APOO: variants seen among roughly 807,000 people sequenced by gnomAD.
The protein encoded by APOO is apolipoprotein O, also known as MICOS complex subunit MIC26.
Under a neutral mutation model 23.1 loss-of-function variants are expected in APOO, and 11 were observed. The observed-to-expected ratio is 0.48, with a 90% CI of 0.30 to 0.79. The LOEUF (loss-of-function observed/expected upper bound fraction) is 0.79, where lower values mean the gene tolerates loss of function less well. Ranked by LOEUF, APOO falls within the 30% of genes least tolerant of loss-of-function variation. The pLI is 0.07. For missense variants in APOO, 160 were observed against 142.7 expected (o/e 1.12, Z -0.62); for synonymous variants, 59 against 54.8 (o/e 1.08, Z -0.34).
intron 6 of APOO, 112 bp downstream of exon 6, chrX:23,858,530 C>CA: frequency 1.4e-6 from 1 of 702,021 alleles, no homozygotes; most frequent in South Asian, 3.3e-5. Flanking sequence ...TATGTACAAA[C>CA]AAATTTTAGT....
chrX:23,862,768 T>C (rs989198531), intron 5 of APOO, among the ~76,000 whole-genome samples: 5 of 95,157 alleles, frequency 5.3e-5, no homozygotes, highest in African/African-American at 1.9e-4. Flanking sequence ...AGTGAGATCA[T>C]CTCTCAGAAA....
At chrX:23,864,605 A>G (rs1925255806) in intron 5 of APOO, among the ~76,000 whole-genome samples, 1 of 111,997 alleles carries the variant, frequency 8.9e-6, no homozygotes, top group African/African-American at 3.2e-5. Flanking sequence ...CCCCGACAGA[A>G]TGTGTACATT....
chrX:23,852,640 G>A (rs1569229191), intron 7 of APOO, among the ~76,000 whole-genome samples: 1 of 108,830 alleles, frequency 9.2e-6, no homozygotes, highest in South Asian at 4.0e-4. Context: ...TGAATTAGAT[G>A]ATACTTAATT....
At chrX:23,906,592 G>GT (rs755353739) in intron 1 of APOO, among the ~76,000 whole-genome samples, 12 of 112,880 alleles carry the variant, frequency 1.1e-4, no homozygotes, top group African/African-American at 3.9e-4. Flanking sequence ...CATAACAGGT[G>GT]TTTAACACAC....
intron 1 of APOO, among the ~76,000 whole-genome samples, chrX:23,896,544 C>T (rs1362563961): frequency 9.0e-6 from 1 of 111,711 alleles, no homozygotes; most frequent in African/African-American, 3.3e-5. Context: ...CTCAAAACGA[C>T]TGTTTTGATG....
rs143743783 is a variant in APOO, at chrX:23,907,217, C to T, written c.9+477G>A. ...GGAGTGGAGCAAAGCTCCAGCTTCC[C>T]TCGTCACCCAGCCATCCCACCCCAG... On this transcript the variant is annotated intron_variant, in intron 1 of 8. Coordinates refer to ENST00000379226, the MANE Select transcript of APOO (RefSeq NM_024122.5). Among the ~76,000 whole-genome samples, 578 of 110,095 alleles carry T rather than the reference C, an allele frequency of 5.3e-3. 2 individuals are homozygous for T. The highest frequency in any genetic ancestry group is 0.018 in the Middle Eastern group (4 of 217).
At chrX:23,856,213 A>AAT in intron 7 of APOO, 89 bp downstream of exon 7, 3 of 940,410 alleles carry the variant, frequency 3.2e-6, no homozygotes, top group Non-Finnish European at 4.5e-6. Flanking sequence ...AAAAGCAATA[A>AAT]ATCAACAGGG....
At chrX:23,899,688 T>G (rs1358902285) in intron 1 of APOO, among the ~76,000 whole-genome samples, 2 of 112,253 alleles carry the variant, frequency 1.8e-5, no homozygotes, top group Non-Finnish European at 3.8e-5. Context: ...AAAATAAGTC[T>G]AAACTTTTTG....
chrX:23,867,606 G>A (rs990431095), intron 5 of APOO, among the ~76,000 whole-genome samples: 6 of 110,839 alleles, frequency 5.4e-5, no homozygotes, highest in Admixed American at 2.9e-4. Context: ...GCAGTGGCTC[G>A]AACTCAGCTC....
intron 1 of APOO, 52 bp downstream of exon 1, chrX:23,907,642 C>T: frequency 8.8e-7 from 1 of 1,140,295 alleles, no homozygotes; most frequent in Non-Finnish European, 1.2e-6. Flanking sequence ...GGGGAGGGCT[C>T]GGGCGGCCGG....
At chrX:23,857,062 G>C (rs968227403) in intron 6 of APOO, among the ~76,000 whole-genome samples, 1 of 110,748 alleles carries the variant, frequency 9.0e-6, no homozygotes, top group African/African-American at 3.3e-5. Flanking sequence ...ACACAAAGAA[G>C]GGAACAGAGA....
chrX:23,904,591 C>T (rs1927274458), intron 1 of APOO, among the ~76,000 whole-genome samples: 1 of 106,056 alleles, frequency 9.4e-6, no homozygotes, highest in Non-Finnish European at 1.9e-5. Flanking sequence ...ACTGCAACCT[C>T]CGCCTCCCGG....
intron 1 of APOO, 38 bp downstream of exon 1, chrX:23,907,656 G>T: frequency 8.7e-7 from 1 of 1,149,391 alleles, no homozygotes; most frequent in Non-Finnish European, 1.2e-6. Flanking sequence ...CGGCCGGGAG[G>T]GGGCGGTGAC....
intron 7 of APOO, among the ~76,000 whole-genome samples, chrX:23,853,422 TCTG>T (rs1422187886): frequency 9.0e-6 from 1 of 111,291 alleles, no homozygotes; most frequent in Non-Finnish European, 1.9e-5. Flanking sequence ...AATAGGGCCT[TCTG>T]CTATTTTTCC....
intron 7 of APOO, among the ~76,000 whole-genome samples, chrX:23,844,809 G>GA (rs1924159929): frequency 8.9e-6 from 1 of 112,129 alleles, no homozygotes; most frequent in African/African-American, 3.2e-5. Context: ...CTAAAACAAT[G>GA]ACATAAGGAT....
chrX:23,857,495 A>C (rs776076496), intron 6 of APOO, among the ~76,000 whole-genome samples: 52 of 111,813 alleles, frequency 4.7e-4, no homozygotes, highest in Non-Finnish European at 7.7e-4. Context: ...AATGTTGAGC[A>C]AATGCTGGAA....
chrX:23,895,059 AC>A (rs1169596689), intron 1 of APOO, among the ~76,000 whole-genome samples: 4 of 109,405 alleles, frequency 3.7e-5, no homozygotes, highest in African/African-American at 1.3e-4. Context: ...AATCGCTCGA[AC>A]CCAGGAGGCA....
intron 3 of APOO, among the ~76,000 whole-genome samples, chrX:23,876,255 T>C (rs1925843004): frequency 1.8e-5 from 2 of 108,325 alleles, no homozygotes; most frequent in Admixed American, 1.0e-4. Context: ...AGAGCGAGAC[T>C]CCGTCTCAAA....
At chrX:23,873,511 G>T (rs955503388) in intron 4 of APOO, among the ~76,000 whole-genome samples, 1 of 110,110 alleles carries the variant, frequency 9.1e-6, no homozygotes, top group African/African-American at 3.3e-5. Context: ...GGAAGCTAAG[G>T]TGGGAGAATC....
Sources: allele counts gnomAD v4.1 joint callset (sites outside exome capture counted in the v4.1 genomes callset), GRCh38; gene constraint gnomAD v4.1.1; transcripts MANE v1.5; gene names NCBI Gene and HGNC (gene_info 2026-07-23, HGNC 2026-07-21).